The following KHDRBS2 variants were observed in gnomAD, a reference collection of about 807,000 sequenced individuals.
KHDRBS2 encodes KH domain-containing, RNA-binding, signal transduction-associated protein 2.
Under a neutral mutation model 44.3 loss-of-function variants are expected in KHDRBS2, and 26 were observed. That is an observed-to-expected ratio of 0.59 (90% CI 0.43 to 0.81). The LOEUF is 0.81. Ranked by LOEUF, KHDRBS2 falls within the 40% of genes least tolerant of loss-of-function variation. The pLI, the probability that KHDRBS2 is intolerant of heterozygous loss-of-function variation, is 0.00. For synonymous variants in KHDRBS2, 194 were observed against 151.1 expected (o/e 1.28, Z -2.08); for missense variants, 476 against 433.1 (o/e 1.10, Z -0.88).
At chr6:61,610,037 G>T in the KHDRBS2 span, among the ~76,000 whole-genome samples, 2 of 152,162 alleles carry the variant, frequency 1.3e-5, no homozygotes, top group East Asian at 3.9e-4. Flanking sequence ...TTAGCTGGGC[G>T]TGGTGGTTGG....
intron 2 of KHDRBS2, among the ~76,000 whole-genome samples, chr6:62,171,383 A>T (rs975915371): frequency 1.5e-4 from 21 of 143,616 alleles, no homozygotes; most frequent in Middle Eastern, 3.4e-3. Flanking sequence ...GACAAAAATT[A>T]AAAAAAAAAG....
At chr6:61,708,824 A>G (rs1331893384) in intron 7 of KHDRBS2, among the ~76,000 whole-genome samples, 2 of 151,672 alleles carry the variant, frequency 1.3e-5, no homozygotes, top group Non-Finnish European at 3.0e-5. Context: ...ACTTATTGTG[A>G]GACAAGAAAA....
chr6:61,822,399 A>C (rs575261450), intron 6 of KHDRBS2, among the ~76,000 whole-genome samples: 1 of 152,056 alleles, frequency 6.6e-6, no homozygotes, highest in Admixed American at 6.6e-5. Context: ...TAAATATTTC[A>C]TGAATCTCTT....
Position 61,955,083 on chromosome 6 carries a change from TATGC to T in KHDRBS2, c.483+22979_483+22982del, listed in dbSNP as rs1459138025. Among the ~76,000 whole-genome samples the T allele has an allele frequency of 4.4e-5, 6 of 136,866 alleles. No individual in the cohort carries two copies. In the East Asian group the frequency reaches 1.2e-3, roughly 27 times the overall value. 89.8% of individuals were successfully genotyped at this position (136,866 alleles called of 152,430 possible). On this transcript the variant is annotated intron_variant, in intron 4 of 8. Coordinates refer to ENST00000281156, the MANE Select transcript of KHDRBS2 (RefSeq NM_152688.4). ...ATGTATACACATATACGTGTGTATGTATGCATACATATATGTATATATACACATA... is the reference window on the plus strand; with the variant it reads ...ATGTATACACATATACGTGTGTATGTATACATATATGTATATATACACATA...
At chr6:62,027,338 G>C (rs1156801710) in intron 3 of KHDRBS2, among the ~76,000 whole-genome samples, 1 of 151,996 alleles carries the variant, frequency 6.6e-6, no homozygotes, top group African/African-American at 2.4e-5. Context: ...CAAATATGTA[G>C]GACTGTGATA....
rs982391748 is a variant in KHDRBS2 at position 61,901,235 on chromosome 6, T to C, written c.611+9A>G. 5 of 1,606,872 alleles carry C rather than the reference T, an allele frequency of 3.1e-6. No individual in the cohort carries two copies. Among genetic ancestry groups the C allele is most frequent in the Non-Finnish European group, 4.2e-6 (5 of 1,177,892 alleles). On this transcript the variant is annotated intron_variant, in intron 5 of 8. Coordinates refer to ENST00000281156, the MANE Select transcript of KHDRBS2 (RefSeq NM_152688.4). Reference sequence around the variant, plus strand: ...ATCCTTAATTTATTTAAAGTAAGAATGAATGTACCTTGAAGGAGCTGTGGG... The same window carrying C: ...ATCCTTAATTTATTTAAAGTAAGAACGAATGTACCTTGAAGGAGCTGTGGG...
chr6:61,887,086 G>C (rs1801062335), intron 6 of KHDRBS2, among the ~76,000 whole-genome samples: 1 of 139,046 alleles, frequency 7.2e-6, no homozygotes, highest in African/African-American at 2.8e-5. Flanking sequence ...TTTACCGAGA[G>C]GAAACACAAT....
rs1031715253 is a variant in KHDRBS2, at chr6:61,904,585, G to A, written c.484-3214C>T. Among the ~76,000 whole-genome samples, 5 of 152,240 alleles carry A rather than the reference G, an allele frequency of 3.3e-5. No homozygotes were observed. In the East Asian group the frequency reaches 9.7e-4, roughly 29 times the overall value. On this transcript the variant is annotated intron_variant, in intron 4 of 8. Coordinates refer to ENST00000281156, the MANE Select transcript of KHDRBS2 (RefSeq NM_152688.4). The stretch of plus-strand genomic sequence containing the variant: ...GCTTCCAAGGCTATGCTACCCAAAA[G>A]CTTCTCCCAGCTGATAACCAAATGT...
At chr6:61,705,157 C>T (rs16899090) in intron 7 of KHDRBS2, among the ~76,000 whole-genome samples, 1,630 of 151,892 alleles carry the variant, frequency 0.011, 29 homozygotes, top group African/African-American at 0.038. Flanking sequence ...GCTTAATTCT[C>T]TTTTTGCCAA....
At chr6:61,695,262 C>T (rs1441279403) in intron 8 of KHDRBS2, among the ~76,000 whole-genome samples, 1 of 152,000 alleles carries the variant, frequency 6.6e-6, no homozygotes, top group African/African-American at 2.4e-5. Context: ...AATAATCAGA[C>T]ACACTTGAAT....
intron 6 of KHDRBS2, among the ~76,000 whole-genome samples, chr6:61,737,897 C>T (rs1414059314): frequency 2.6e-5 from 4 of 151,870 alleles, no homozygotes; most frequent in Non-Finnish European, 5.9e-5. Flanking sequence ...ACCATATTTA[C>T]GTGGTTTTTT....
chr6:61,766,685 T>G (rs6900383), intron 6 of KHDRBS2, among the ~76,000 whole-genome samples: 54,540 of 151,892 alleles, frequency 0.36, 10,499 homozygotes, highest in East Asian at 0.48. Flanking sequence ...TTTTGAGAAA[T>G]TTTTAAATTT....
chr6:62,201,258 C>G (rs1319951263), intron 1 of KHDRBS2, among the ~76,000 whole-genome samples: 1 of 151,678 alleles, frequency 6.6e-6, no homozygotes, highest in African/African-American at 2.4e-5. Context: ...AGAGTAGGGA[C>G]AAGAATTCTA....
chr6:61,707,093 G>C (rs76147444), intron 7 of KHDRBS2, among the ~76,000 whole-genome samples: 4,785 of 151,730 alleles, frequency 0.032, 250 homozygotes, highest in African/African-American at 0.11. Context: ...AAAAAGACCT[G>C]AAGGAGTTAA....
intron 6 of KHDRBS2, among the ~76,000 whole-genome samples, chr6:61,801,291 G>T (rs1323114814): frequency 6.6e-6 from 1 of 151,918 alleles, no homozygotes; most frequent in East Asian, 1.9e-4. Flanking sequence ...TCCTTAAGGA[G>T]TCTAAATACT....
intron 1 of KHDRBS2, among the ~76,000 whole-genome samples, chr6:62,267,606 T>C (rs1388198885): frequency 3.9e-5 from 6 of 151,970 alleles, no homozygotes; most frequent in South Asian, 2.1e-4. Context: ...CGTAAGCAAA[T>C]TGTATTTATT....
chr6:61,786,364 A>C (rs1440744755), intron 6 of KHDRBS2, among the ~76,000 whole-genome samples: 1 of 152,044 alleles, frequency 6.6e-6, no homozygotes, highest in Non-Finnish European at 1.5e-5. Flanking sequence ...GGTCATATTT[A>C]ATCACTGAAT....
At chr6:61,595,182 C>A in the KHDRBS2 span, among the ~76,000 whole-genome samples, 1 of 152,170 alleles carries the variant, frequency 6.6e-6, no homozygotes, top group Admixed American at 6.5e-5. Flanking sequence ...TAAGCCTCAA[C>A]CTAAAAACTC....
chr6:61,671,170 C>T, the KHDRBS2 span, among the ~76,000 whole-genome samples: 5 of 151,520 alleles, frequency 3.3e-5, no homozygotes, highest in Admixed American at 3.3e-4. Flanking sequence ...AACAGTAGAA[C>T]GTTTTTCTAC....
Sources: allele counts gnomAD v4.1 joint callset (sites outside exome capture counted in the v4.1 genomes callset), GRCh38; gene constraint gnomAD v4.1.1; transcripts MANE v1.5; gene names NCBI Gene and HGNC (gene_info 2026-07-23, HGNC 2026-07-21).